Variants in DNASE1L1 observed in about 807,000 individuals in gnomAD.
DNASE1L1 encodes deoxyribonuclease 1 like 1.
A neutral mutation model predicts 18.6 loss-of-function variants in DNASE1L1; 8 were observed. The observed-to-expected ratio is 0.43, with a 90% CI of 0.25 to 0.78. The LOEUF (loss-of-function observed/expected upper bound fraction) is 0.78. Among genes scored for constraint, DNASE1L1 ranks in the 30% least tolerant of loss-of-function variants. DNASE1L1 has a pLI of 0.23. For missense variants in DNASE1L1, 214 were observed against 258.2 expected (o/e 0.83, Z 1.17); for synonymous variants, 114 against 114.2 (o/e 1.00, Z 0.01).
intron 4 of DNASE1L1, 58 bp downstream of exon 4, chrX:154,404,770 C>A: frequency 1.8e-6 from 2 of 1,107,147 alleles, no homozygotes; most frequent in Non-Finnish European, 2.4e-6. Context: ...ATGAGCCTAC[C>A]TCACATTAGG....
At chrX:154,403,727 T>G (rs1557187703) in intron 4 of DNASE1L1, 105 bp from the exon 5 acceptor site, 1 of 619,871 alleles carries the variant, frequency 1.6e-6, no homozygotes, top group African/African-American at 2.2e-5. Context: ...AGCGGCAATG[T>G]GGGCACAGCC....
intron 7 of DNASE1L1, 44 bp downstream of exon 7, chrX:154,402,898 C>T (rs782367865): frequency 1.7e-6 from 2 of 1,205,421 alleles, no homozygotes; most frequent in Middle Eastern, 2.6e-4. Context: ...TTCCCTGTGA[C>T]CCTGCTGCTG....
chrX:154,409,181 T>G lies in DNASE1L1; in HGVS notation c.-157A>C. The G allele has an allele frequency of 3.0e-6, 1 of 337,245 alleles. No homozygotes were observed. Among genetic ancestry groups the G allele is most frequent in the Non-Finnish European group, 6.0e-6 (1 of 167,805 alleles). The allele number at this position is 337,245 out of a possible 1,213,427, so 27.8% of individuals were successfully genotyped here. The stretch of plus-strand genomic sequence containing the variant: ...GATCGCGATACCCCAGAAGAGCAGC[T>G]CCTGCCTGAATAGGGCTAGGAGGGG... On this transcript the variant is annotated 5_prime_UTR_variant, in exon 1 of 8. Transcript: ENST00000369807.
rs781857571 is a variant in DNASE1L1 at position 154,403,060 on chromosome X, C to T, written c.656G>A (p.Arg219Gln). The T allele has an allele frequency of 1.8e-5, 22 of 1,210,265 alleles. No homozygotes were observed. The highest frequency in any genetic ancestry group is 5.2e-5 in the African/African-American group (3 of 57,350). Residue 219 changes from arginine to glutamine, a missense_variant, in exon 7 of 8, where the codon CGG becomes CAG. Transcript: ENST00000369807. ...VIADGEDTTV[R>Q]ASTHCTYDRV... ...GTCATAGGTGCAGTGGGTGCTGGCC[C>T]GCACTGTGGTGTCCTCCCCATCGGC...
upstream of DNASE1L1, among the ~76,000 whole-genome samples, chrX:154,410,326 A>G (rs2051508): frequency 0.23 from 25,489 of 110,376 alleles, 3,509 homozygotes; most frequent in African/African-American, 0.52. Context: ...GGAGAGGCAG[A>G]CAGATCACCT....
Position 154,405,091 on chromosome X carries a change from A to AC in DNASE1L1, c.136-9dup, listed in dbSNP as rs1557188094. On this transcript the variant is annotated splice_polypyrimidine_tract_variant and intron_variant, in intron 2 of 7. Coordinates refer to ENST00000369807, the MANE Select transcript of DNASE1L1 (RefSeq NM_001303620.2). The stretch of plus-strand genomic sequence containing the variant: ...GTCACAGCGAGCCAGTATCTGTGGG[A>AC]CATCAGGAAGGCCAGCCTGACTCAG... The AC allele has an allele frequency of 8.3e-7, 1 of 1,208,113 alleles. No individual in the cohort carries two copies. Among genetic ancestry groups the AC allele is most frequent in the Non-Finnish European group, 1.1e-6 (1 of 893,199 alleles).
Position 154,401,648 on chromosome X carries a change from A to C in DNASE1L1, c.*1059T>G, listed in dbSNP as rs1453236874. 1 of 111,647 alleles carries C rather than the reference A, an allele frequency of 9.0e-6. No homozygotes were observed. The highest frequency in any genetic ancestry group is 1.9e-5 in the Non-Finnish European group (1 of 53,068). The allele number at this position is 111,647 out of a possible 1,213,427, so 9.2% of individuals were successfully genotyped here. A position where few individuals can be genotyped will look rare whatever the true frequency, so the allele number is the denominator to read the frequency against. The stretch of plus-strand genomic sequence containing the variant: ...GGCCTGAGCATCTGTATCCAGGGAC[A>C]GGACTCCAAAGGCTTTTGGTCCCAG... On this transcript the variant is annotated 3_prime_UTR_variant, in exon 8 of 8. Coordinates refer to ENST00000369807, the MANE Select transcript of DNASE1L1 (RefSeq NM_001303620.2).
chrX:154,411,838 G>A (rs1347476915), upstream of DNASE1L1: 12 of 1,184,061 alleles, frequency 1.0e-5, no homozygotes, highest in Non-Finnish European at 1.4e-5. Flanking sequence ...CGCGGGCCGG[G>A]TGGGGATGCC....
At chrX:154,405,950 T>C in intron 1 of DNASE1L1, among the ~76,000 whole-genome samples, 1 of 109,279 alleles carries the variant, frequency 9.2e-6, no homozygotes. Flanking sequence ...TCAAGGGTCA[T>C]TCATGTTGGA....
rs183061117 is a variant in DNASE1L1 at position 154,402,189 on chromosome X, T to A, written c.*518A>T. 1,182 of 124,027 alleles carry A rather than the reference T, an allele frequency of 9.5e-3. 9 individuals carry two copies. Among genetic ancestry groups the A allele is most frequent in the Non-Finnish European group, 0.011 (637 of 60,238 alleles). The allele number at this position is 124,027 out of a possible 1,213,427, so 10.2% of individuals were successfully genotyped here. On this transcript the variant is annotated 3_prime_UTR_variant, in exon 8 of 8. Coordinates refer to ENST00000369807, the MANE Select transcript of DNASE1L1 (RefSeq NM_001303620.2). ...CCTGACTGCATTGTTCACCGGATTA[T>A]AATGAGCCAAAATGTTTCCCGGTGT...
chrX:154,410,344 G>A (rs1333102692), upstream of DNASE1L1, among the ~76,000 whole-genome samples: 8 of 110,673 alleles, frequency 7.2e-5, no homozygotes. Context: ...CCTGAGGCCG[G>A]GAGTTCGAGA....
chrX:154,407,477 G>C (rs1390270629), intron 1 of DNASE1L1, among the ~76,000 whole-genome samples: 1 of 106,625 alleles, frequency 9.4e-6, no homozygotes, highest in Non-Finnish European at 1.9e-5. Flanking sequence ...GACTTCAGGT[G>C]ATCAGCCGGC....
intron 1 of DNASE1L1, chrX:154,408,734 C>T (rs1186309516): frequency 1.7e-5 from 2 of 117,737 alleles, no homozygotes; most frequent in African/African-American, 3.2e-5. Context: ...CTTTCCCTCT[C>T]GTCTCTGGTT....
In DNASE1L1 at chrX:154,402,786, G is replaced by A. The variant is rs781833694; in HGVS notation, c.830C>T (p.Ala277Val). 7 of 1,210,009 alleles carry A rather than the reference G, an allele frequency of 5.8e-6. No individual in the cohort carries two copies. Among genetic ancestry groups the A allele is most frequent in the Non-Finnish European group, 6.7e-6 (6 of 895,003 alleles). Residue 277 changes from alanine to valine, a missense_variant, in exon 8 of 8, where the codon GCG (alanine) becomes GTG (valine). Coordinates refer to ENST00000369807, the MANE Select transcript of DNASE1L1 (RefSeq NM_001303620.2). ...PVEVELKLSQ[A>V]HSVQPLSLTV... ...GAGGCTGAGAGGCTGGACGCTGTGC[G>A]CCTGGCTCAGCTTCAGCTCCACCTC... is the stretch of plus-strand genomic sequence containing the variant.
In DNASE1L1 at chrX:154,404,857, G is replaced by C. The variant is rs782382603; in HGVS notation, c.282C>G (p.Thr94=). The C allele has an allele frequency of 1.7e-6, 2 of 1,211,586 alleles. No individual in the cohort carries two copies. The highest frequency in any genetic ancestry group is 1.8e-5 in the South Asian group (1 of 57,005). The change falls in exon 4 of 8, where the codon ACC becomes ACG. Residue 94 remains threonine, a synonymous_variant. Transcript: ENST00000369807. ...TLSSPQLGRS[T]YMETYVYFYR... is the part of the protein sequence containing the mutation. ...AGAAGTACACATACGTCTCCATGTA[G>C]GTGCTGCGCCCCAGCTGGGGGCTGC...
chrX:154,404,978 C>G lies in DNASE1L1; in HGVS notation c.224+17G>C. On this transcript the variant is annotated intron_variant, in intron 3 of 7. Transcript: ENST00000369807. ...CTCTGGGTGTGCCCCTGATTAGACCCACAGAATCTTCCTCACCGATTGAGT... is the reference window on the plus strand; with the variant it reads ...CTCTGGGTGTGCCCCTGATTAGACCGACAGAATCTTCCTCACCGATTGAGT... 3 of 1,208,501 alleles carry G rather than the reference C, an allele frequency of 2.5e-6. No individual in the cohort carries two copies. The highest frequency in any genetic ancestry group is 3.4e-6 in the Non-Finnish European group (3 of 893,118).
chrX:154,409,334 A>G (rs1294336851), upstream of DNASE1L1: 2 of 238,073 alleles, frequency 8.4e-6, no homozygotes, highest in African/African-American at 5.8e-5. Flanking sequence ...AAGGAGGACC[A>G]GCACCAGGCC....
At position 154,403,302 on chromosome X, in the gene DNASE1L1, C is replaced by T. The variant is rs2068082864; in HGVS notation, c.492G>A (p.Val164=). The change falls in exon 6 of 8, where the codon GTG becomes GTA. Residue 164 remains valine, a synonymous_variant. Transcript: ENST00000369807. ...GCCAGTGCTGGGAGACCTCCAGAAA[C>T]ACATCGTAGAGGGCGTTCAGCTCCT... ...VEKELNALYD[V]FLEVSQHWQS... 1 of 1,211,528 alleles carries T rather than the reference C, an allele frequency of 8.3e-7. No individual in the cohort carries two copies. Among genetic ancestry groups the T allele is most frequent in the South Asian group, 1.8e-5 (1 of 56,992 alleles).
rs2068076642 is a variant in DNASE1L1, at chrX:154,403,073, C to G, written c.643G>C (p.Asp215His). ...GFHWVIADGE[D>H]TTVRASTHCT... ...TGGGTGCTGGCCCGCACTGTGGTGT[C>G]CTCCCCATCGGCAATCACCCAGTGG... Residue 215 changes from aspartate (D) to histidine (H), a missense_variant, in exon 7 of 8, where the codon GAC becomes CAC. Coordinates refer to ENST00000369807, the MANE Select transcript of DNASE1L1 (RefSeq NM_001303620.2). 1 of 1,210,264 alleles carries G rather than the reference C, an allele frequency of 8.3e-7. No individual in the cohort carries two copies. The highest frequency in any genetic ancestry group is 1.7e-5 in the African/African-American group (1 of 57,309).
Sources: gnomAD v4.1 joint callset for allele counts (sites outside exome capture counted in the v4.1 genomes callset) on GRCh38, gnomAD v4.1.1 for gene constraint, MANE v1.5 for transcripts, NCBI Gene and HGNC (gene_info 2026-07-23, HGNC 2026-07-21) for gene names.